The following SEC23B variants were observed in gnomAD, a reference collection of about 807,000 sequenced individuals.
The protein encoded by SEC23B is SEC23 homolog B, COPII component.
A neutral mutation model predicts 104.3 loss-of-function variants in SEC23B; 77 were observed. The ratio of observed to expected loss-of-function variants is 0.74; its 90% CI spans 0.61 to 0.89. The LOEUF is 0.89. Ranked by LOEUF, SEC23B falls within the 40% of genes least tolerant of loss-of-function variation. The pLI is 0.00. For missense variants in SEC23B, 885 were observed against 949.4 expected (o/e 0.93, Z 0.89); for synonymous variants, 338 against 332.5 (o/e 1.02, Z -0.18).
At chr20:18,549,097 C>CAA (rs879910579) in intron 16 of SEC23B, among the ~76,000 whole-genome samples, 1 of 141,916 alleles carries the variant, frequency 7.0e-6, no homozygotes, top group African/African-American at 2.6e-5. Context: ...GACTTTGTGC[C>CAA]AAAAAAAAAA....
At chr20:18,559,077 T>TGTG (rs1555792333) in intron 19 of SEC23B, among the ~76,000 whole-genome samples, 1 of 91,082 alleles carries the variant, frequency 1.1e-5, no homozygotes, top group Non-Finnish European at 2.1e-5. Flanking sequence ...GGAAGGTGGT[T>TGTG]GGTGGGGGGG....
intron 3 of SEC23B, among the ~76,000 whole-genome samples, chr20:18,513,116 G>A (rs777283887): frequency 7.9e-5 from 12 of 152,100 alleles, no homozygotes; most frequent in Non-Finnish European, 1.6e-4. Context: ...CCCGGGAGGC[G>A]GAGGTTGCAG....
Position 18,546,038 on chromosome 20 carries a change from G to A in SEC23B, c.1743+5G>A, listed in dbSNP as rs755115066. On this transcript the variant is annotated splice_donor_5th_base_variant and intron_variant, in intron 15 of 19. Transcript: ENST00000650089. The stretch of plus-strand genomic sequence containing the variant: ...TCCTTTTCTCTATATCCTCAGGTAA[G>A]TAATGTATGTTTCTAAAATAACTAC... 1.8e-5 allele frequency: 26 copies of A among 1,414,566 alleles called. 1 individual carries two copies. The Middle Eastern group carries it at 7.0e-4, about 38-fold the overall frequency. 87.6% of individuals were successfully genotyped at this position (1,414,566 alleles called of 1,614,324 possible).
At chr20:18,546,202 C>T (rs1474813167) in intron 15 of SEC23B, among the ~76,000 whole-genome samples, 169 bp downstream of exon 15, 3 of 152,114 alleles carry the variant, frequency 2.0e-5, no homozygotes, top group Non-Finnish European at 2.9e-5. Context: ...CAGCACCCTA[C>T]GCCCTACAGA....
chr20:18,530,913 A>G, intron 10 of SEC23B, 110 bp downstream of exon 10: 2 of 797,098 alleles, frequency 2.5e-6, no homozygotes, highest in South Asian at 1.6e-5. Context: ...AAGTGCTGGG[A>G]TTATGAGGCA....
intron 13 of SEC23B, among the ~76,000 whole-genome samples, chr20:18,542,683 G>GTACA (rs1328311695): frequency 2.0e-5 from 3 of 152,086 alleles, no homozygotes; most frequent in Admixed American, 2.0e-4. Context: ...TGCCCAAGCT[G>GTACA]GAGTACAGTG....
intron 17 of SEC23B, among the ~76,000 whole-genome samples, chr20:18,552,846 G>T (rs369892669): frequency 6.6e-6 from 1 of 151,980 alleles, no homozygotes; most frequent in East Asian, 1.9e-4. Flanking sequence ...GCACAAGAAC[G>T]ATTTATATAG....
chr20:18,536,492 A>G (rs111614952), intron 12 of SEC23B, among the ~76,000 whole-genome samples: 14,319 of 152,130 alleles, frequency 0.094, 849 homozygotes, highest in East Asian at 0.27. Context: ...GGAGATCGAG[A>G]CCATCCTGGC....
At chr20:18,518,589 T>TG (rs978045709) in intron 4 of SEC23B, among the ~76,000 whole-genome samples, 1 of 135,268 alleles carries the variant, frequency 7.4e-6, no homozygotes, top group Non-Finnish European at 1.7e-5. Context: ...GAGGTTTTTT[T>TG]TTTTTTTTTT....
At chr20:18,545,684 T>C (rs1264113364) in intron 14 of SEC23B, among the ~76,000 whole-genome samples, 5 of 152,204 alleles carry the variant, frequency 3.3e-5, no homozygotes, top group Non-Finnish European at 1.5e-5. Flanking sequence ...CTAGCTTCTC[T>C]GGTTAGGGCA....
intron 10 of SEC23B, 98 bp from the exon 11 acceptor site, chr20:18,532,566 A>T (rs2060196488): frequency 3.4e-6 from 3 of 879,696 alleles, no homozygotes; most frequent in Non-Finnish European, 5.9e-6. Context: ...GCAGAATAGT[A>T]GTGTTATATT....
intron 4 of SEC23B, among the ~76,000 whole-genome samples, chr20:18,518,582 GTTTTTT>G (rs57231166): frequency 7.6e-5 from 7 of 92,654 alleles, no homozygotes; most frequent in Non-Finnish European, 7.9e-5. Context: ...CTGGAAGGAG[GTTTTTT>G]TTTTTTTTTT....
chr20:18,546,611 G>A (rs1346514539), intron 15 of SEC23B, among the ~76,000 whole-genome samples: 1 of 152,204 alleles, frequency 6.6e-6, no homozygotes, highest in South Asian at 2.1e-4. Flanking sequence ...GTGTCTATAA[G>A]GATTACAGGA....
At chr20:18,513,013 CT>C (rs2059994575) in intron 3 of SEC23B, among the ~76,000 whole-genome samples, 1 of 151,996 alleles carries the variant, frequency 6.6e-6, no homozygotes, top group Non-Finnish European at 1.5e-5. Flanking sequence ...GTGAAATCCC[CT>C]CTCTACTAAA....
chr20:18,516,671 C>A (rs1472285506), intron 4 of SEC23B, among the ~76,000 whole-genome samples: 1 of 151,904 alleles, frequency 6.6e-6, no homozygotes, highest in Non-Finnish European at 1.5e-5. Flanking sequence ...CCTACCTCAG[C>A]CTCCCGAGTA....
At position 18,526,283 on chromosome 20, in the gene SEC23B, T is replaced by C. The variant is rs1390947384; in HGVS notation, c.835-90T>C. ...CACTTTTTAGGACAGCTGGAGAGAA[T>C]GCATCTTTGGAGTATTTCTATTGGG... On this transcript the variant is annotated intron_variant, in intron 7 of 19. Coordinates refer to ENST00000650089, the MANE Select transcript of SEC23B (RefSeq NM_006363.6). 7.8e-6 allele frequency: 11 copies of C among 1,401,690 alleles called. No homozygotes were observed. In the South Asian group the frequency reaches 1.2e-4, roughly 15 times the overall value. 86.8% of individuals were successfully genotyped at this position (1,401,690 alleles called of 1,614,324 possible). A position where few individuals can be genotyped will look rare whatever the true frequency, so the allele number is the denominator to read the frequency against.
At chr20:18,530,825 T>TA in intron 10 of SEC23B, 22 bp downstream of exon 10, 1 of 1,592,642 alleles carries the variant, frequency 6.3e-7, no homozygotes, top group Non-Finnish European at 8.6e-7. Flanking sequence ...TTTTTTTTTT[T>TA]TTTATGTGGA....
chr20:18,545,457 G>A (rs923421474), intron 14 of SEC23B, among the ~76,000 whole-genome samples: 3 of 152,282 alleles, frequency 2.0e-5, no homozygotes, highest in African/African-American at 7.2e-5. Context: ...GTTAGAAATG[G>A]GGTTTCTTTA....
intron 4 of SEC23B, chr20:18,515,973 C>T (rs2060021058): frequency 2.0e-6 from 1 of 496,392 alleles, no homozygotes; most frequent in Non-Finnish European, 3.7e-6. Flanking sequence ...CTGTAGCCTT[C>T]TTCATCTCAG....
Sources: gnomAD v4.1 joint callset for allele counts (sites outside exome capture counted in the v4.1 genomes callset) on GRCh38, gnomAD v4.1.1 for gene constraint, MANE v1.5 for transcripts, NCBI Gene and HGNC (gene_info 2026-07-23, HGNC 2026-07-21) for gene names.